The following CDH22 variants were observed in gnomAD, a reference collection of about 807,000 sequenced individuals.
The protein encoded by CDH22 is cadherin 22, also known as cadherin-22.
CDH22 carries 30 observed loss-of-function variants against 58.4 expected under a neutral mutation model. The ratio of observed to expected loss-of-function variants is 0.51; its 90% confidence interval spans 0.38 to 0.70. CDH22 has a LOEUF of 0.70. Among genes scored for constraint, CDH22 ranks in the 30% least tolerant of loss-of-function variants. The pLI is 0.00. For synonymous variants in CDH22, 513 were observed against 558.2 expected, an observed-to-expected ratio of 0.92 and a Z score of 1.14; for missense variants, 1,014 against 1,233.9, an observed-to-expected ratio of 0.82 and a Z score of 2.67.
chr20:46,210,162 G>C lies in CDH22; in HGVS notation c.1286+145C>G. On this transcript the variant is annotated intron_variant, in intron 7 of 11. Coordinates refer to ENST00000537909, the MANE Select transcript of CDH22 (RefSeq NM_021248.3). The surrounding 1 kb of genome is among the most constrained non-coding windows in gnomAD (Gnocchi z 4.5). ...CGTGCCTGTTTCTCTCCACCCGTGC[G>C]CCTCTCTCCGCGCCTCCCTCCCCCA... The C allele has an allele frequency of 1.3e-6, 1 of 777,514 alleles. No homozygotes were observed. Among genetic ancestry groups the C allele is most frequent in the East Asian group, 3.4e-5 (1 of 29,124 alleles). 48.2% of individuals were successfully genotyped at this position (777,514 alleles called of 1,614,324 possible). A position where few individuals can be genotyped will look rare whatever the true frequency, so the allele number is the denominator to read the frequency against.
At chr20:46,206,895 C>T (rs948359191) in intron 7 of CDH22, among the ~76,000 whole-genome samples, 22 of 152,182 alleles carry the variant, frequency 1.4e-4, no homozygotes, top group South Asian at 2.1e-4. Context: ...ACCCTGAGAA[C>T]GCAGGTGCTG....
At chr20:46,255,880 T>C (rs567760249) in intron 1 of CDH22, among the ~76,000 whole-genome samples, 1 of 152,302 alleles carries the variant, frequency 6.6e-6, no homozygotes, top group East Asian at 1.9e-4. Context: ...TGGGGCACGT[T>C]GGTGGCCTTC....
chr20:46,174,893 G>T lies in CDH22; in HGVS notation c.2100C>A (p.Gly700=), dbSNP rs753058321. The change falls in exon 12 of 12, where the codon GGC becomes GGA. Residue 700 remains glycine, a synonymous_variant. Coordinates refer to ENST00000537909, the MANE Select transcript of CDH22 (RefSeq NM_021248.3). This position sits in a 1 kb window ranked among gnomAD's most constrained non-coding sequence, Gnocchi z 4.4. ...CCCCGCCCGCGCTGCCGCCCCCGTC[G>T]CCGCCCTTGAGCTCGCCGAAGTCGT... ...SLYDFGELKG[G]DGGGSAGGGA... 5 of 1,316,834 alleles carry T rather than the reference G, an allele frequency of 3.8e-6. No homozygotes were observed. In the African/African-American group the frequency reaches 7.8e-5, roughly 20 times the overall value. 81.6% of individuals were successfully genotyped at this position (1,316,834 alleles called of 1,614,324 possible).
intron 1 of CDH22, among the ~76,000 whole-genome samples, chr20:46,295,684 C>T (rs2086626003): frequency 1.3e-5 from 2 of 152,230 alleles, no homozygotes; most frequent in South Asian, 2.1e-4. Context: ...GGCTGCCATC[C>T]TCATTCCTCC....
intron 1 of CDH22, among the ~76,000 whole-genome samples, chr20:46,255,114 C>T (rs1216551357): frequency 6.6e-6 from 1 of 152,160 alleles, no homozygotes; most frequent in Non-Finnish European, 1.5e-5. Flanking sequence ...CTCCGCCTCC[C>T]CGGCTCAAGC....
At chr20:46,285,726 G>T (rs1047550599) in intron 1 of CDH22, among the ~76,000 whole-genome samples, 11 of 152,182 alleles carry the variant, frequency 7.2e-5, no homozygotes, top group African/African-American at 2.7e-4. Context: ...GGACCTCTGA[G>T]GCAAGATTCA....
At chr20:46,177,793 G>A (rs1047320911) in intron 11 of CDH22, among the ~76,000 whole-genome samples, 153 bp downstream of exon 11, 5 of 152,170 alleles carry the variant, frequency 3.3e-5, no homozygotes, top group African/African-American at 1.2e-4. Flanking sequence ...GACTCCTCAT[G>A]GGGGCTGCTT....
At chr20:46,240,110 G>A (rs1321547781) in intron 3 of CDH22, among the ~76,000 whole-genome samples, 8 of 152,018 alleles carry the variant, frequency 5.3e-5, no homozygotes, top group African/African-American at 1.7e-4. Flanking sequence ...TCCCTAGCTG[G>A]CTGGATCTCG....
At chr20:46,223,748 CTCTT>C (rs1219576904) in intron 4 of CDH22, among the ~76,000 whole-genome samples, 7 of 73,110 alleles carry the variant, frequency 9.6e-5, no homozygotes, top group Admixed American at 1.6e-4. Flanking sequence ...TTTCTCTTTC[CTCTT>C]TCTTTTTCTT....
intron 4 of CDH22, among the ~76,000 whole-genome samples, chr20:46,220,091 A>C (rs2086112856): frequency 6.6e-6 from 1 of 151,758 alleles, no homozygotes; most frequent in Admixed American, 6.6e-5. Context: ...AGACAGGAGG[A>C]AAGAGACAGA....
At chr20:46,260,348 C>G (rs2086427314) in intron 1 of CDH22, among the ~76,000 whole-genome samples, 1 of 152,168 alleles carries the variant, frequency 6.6e-6, no homozygotes, top group Non-Finnish European at 1.5e-5. Flanking sequence ...TTAAGCCACT[C>G]TAGGTCTTGA....
chr20:46,308,050 G>T lies in CDH22; in HGVS notation c.-400+205C>A, dbSNP rs2145792177. 6.6e-6 allele frequency among the ~76,000 whole-genome samples: 1 copy of T among 151,692 alleles called. No homozygotes were observed. The highest frequency in any genetic ancestry group is 2.1e-4 in the South Asian group (1 of 4,826). On this transcript the variant is annotated intron_variant, in intron 1 of 11. Transcript: ENST00000537909. This position sits in a 1 kb window ranked among gnomAD's most constrained non-coding sequence, Gnocchi z 4.3. ...TCCGCGCCGGGGAAAGTTTGGACGT[G>T]GGAAACTCCCTCCCCGCCCTCCCGG...
chr20:46,182,253 C>T (rs1482494800), intron 10 of CDH22, among the ~76,000 whole-genome samples: 2 of 152,202 alleles, frequency 1.3e-5, no homozygotes, highest in Non-Finnish European at 2.9e-5. Context: ...CAGGACTATT[C>T]TAGCCCCGGG....
chr20:46,291,722 T>A (rs1279552163), intron 1 of CDH22, among the ~76,000 whole-genome samples: 1 of 152,260 alleles, frequency 6.6e-6, no homozygotes, highest in African/African-American at 2.4e-5. Context: ...CTTCTGCTCC[T>A]CTGCGTTGCA....
At chr20:46,246,828 G>A (rs1047867554) in intron 2 of CDH22, among the ~76,000 whole-genome samples, 18 of 152,166 alleles carry the variant, frequency 1.2e-4, no homozygotes, top group African/African-American at 4.3e-4. Context: ...TCCCTGGGGT[G>A]GGGGGAACCA....
At chr20:46,201,155 C>A (rs1395921601) in intron 7 of CDH22, among the ~76,000 whole-genome samples, 1 of 152,228 alleles carries the variant, frequency 6.6e-6, no homozygotes, top group Non-Finnish European at 1.5e-5. Flanking sequence ...GTGGGGGCGC[C>A]GCGAGGCTGC....
At chr20:46,240,544 T>A (rs2086281848) in intron 3 of CDH22, among the ~76,000 whole-genome samples, 2 of 152,174 alleles carry the variant, frequency 1.3e-5, no homozygotes. Flanking sequence ...TGTGTGACTC[T>A]GTCCAGCTGT....
chr20:46,241,259 T>C lies in CDH22; in HGVS notation c.256-2A>G. 6.3e-7 allele frequency: 1 copy of C among 1,589,934 alleles called. No homozygotes were observed. Among genetic ancestry groups the C allele is most frequent in the Non-Finnish European group, 8.6e-7 (1 of 1,164,794 alleles). On this transcript the variant is annotated splice_acceptor_variant, in intron 2 of 11. Coordinates refer to ENST00000537909, the MANE Select transcript of CDH22 (RefSeq NM_021248.3). LOFTEE classifies it high-confidence loss of function. The surrounding 1 kb of genome is among the most constrained non-coding windows in gnomAD (Gnocchi z 5.2). The stretch of plus-strand genomic sequence containing the variant: ...ACCCTCGTCTGAGTCGGAGTGGATC[T>C]GGGTAGGCAGAGAAGAAGGCAAGGT...
At chr20:46,245,155 G>A (rs923831273) in intron 2 of CDH22, among the ~76,000 whole-genome samples, 4 of 152,110 alleles carry the variant, frequency 2.6e-5, no homozygotes, top group Non-Finnish European at 4.4e-5. Flanking sequence ...GGGTCGAGGG[G>A]TCACCTAATT....
Sources: allele counts gnomAD v4.1 joint callset (sites outside exome capture counted in the v4.1 genomes callset), GRCh38; gene constraint gnomAD v4.1.1; non-coding constraint Gnocchi (gnomAD v3.1); transcripts MANE v1.5; gene names NCBI Gene and HGNC (gene_info 2026-07-23, HGNC 2026-07-21).